SEC61A2: variants seen among roughly 807,000 people sequenced by gnomAD.
SEC61A2 encodes protein transport protein Sec61 subunit alpha isoform 2.
SEC61A2 carries 28 observed loss-of-function variants against 59.9 expected under a neutral mutation model. The observed-to-expected ratio is 0.47, with a 90% CI of 0.35 to 0.64. SEC61A2 has a LOEUF of 0.64. SEC61A2 is among the 30% of genes least tolerant of loss of function. The probability of loss-of-function intolerance (pLI) is 0.01; values close to 1 mark genes in which losing one functional copy is unlikely to be tolerated. For missense variants in SEC61A2, 340 were observed against 585.9 expected (o/e 0.58, Z 4.33); for synonymous variants, 202 against 214.4 (o/e 0.94, Z 0.50).
intron 2 of SEC61A2, among the ~76,000 whole-genome samples, chr10:12,133,837 G>A (rs1485226127): frequency 6.6e-6 from 1 of 152,158 alleles, no homozygotes; most frequent in Non-Finnish European, 1.5e-5. Flanking sequence ...TTCCATCATT[G>A]CAAACTTTCA....
In SEC61A2 at chr10:12,159,000, C is replaced by T. The variant is rs1328297701; in HGVS notation, c.975+895C>T. 5.5e-5 allele frequency among the ~76,000 whole-genome samples: 8 copies of T among 145,920 alleles called. No individual in the cohort carries two copies. Among genetic ancestry groups the T allele is most frequent in the Admixed American group, 1.4e-4 (2 of 14,596 alleles). On this transcript the variant is annotated intron_variant, in intron 9 of 11. Coordinates refer to ENST00000298428, the MANE Select transcript of SEC61A2 (RefSeq NM_018144.4). The surrounding 1 kb of genome is among the most constrained non-coding windows in gnomAD (Gnocchi z 5.7). Reference sequence around the variant, plus strand: ...TTTTTTCTTTTTTTTTTTTTTGAGACGGAGTCTCGCTGTGTCGCCCAGGCT... The same window carrying T: ...TTTTTTCTTTTTTTTTTTTTTGAGATGGAGTCTCGCTGTGTCGCCCAGGCT...
chr10:12,134,451 C>T lies in SEC61A2; in HGVS notation c.75+1143C>T, dbSNP rs149899677. Among the ~76,000 whole-genome samples the T allele has an allele frequency of 1.7e-3, 260 of 152,308 alleles. 1 individual carries two copies. The highest frequency in any genetic ancestry group is 2.6e-3 in the Non-Finnish European group (180 of 68,026). On this transcript the variant is annotated intron_variant, in intron 2 of 11. Transcript: ENST00000298428. ...CCACCTTCGCACAGTGCAGTGTTCACCGAATCGCGTGCACATTGGATCCCT... is the reference window on the plus strand; with the variant it reads ...CCACCTTCGCACAGTGCAGTGTTCATCGAATCGCGTGCACATTGGATCCCT...
rs1834606574 is a variant in SEC61A2 at position 12,164,189 on chromosome 10, G to A, written c.1245-79G>A. ...CTTTAGACCCAGCTATGGCTGCTGC[G>A]CCTCGACCTGTCTTCGTCTCTAGCT... On this transcript the variant is annotated intron_variant, in intron 11 of 11. Coordinates refer to ENST00000298428, the MANE Select transcript of SEC61A2 (RefSeq NM_018144.4). The surrounding 1 kb of genome is among the most constrained non-coding windows in gnomAD (Gnocchi z 7.3). 4.6e-6 allele frequency: 7 copies of A among 1,526,152 alleles called. No homozygotes were observed. The South Asian group carries it at 4.8e-5, about 10-fold the overall frequency. The allele number at this position is 1,526,152 out of a possible 1,614,324, so 94.5% of individuals were successfully genotyped here. A position where few individuals can be genotyped will look rare whatever the true frequency, so the allele number is the denominator to read the frequency against.
downstream of SEC61A2, chr10:12,167,899 A>G: frequency 6.4e-7 from 1 of 1,560,356 alleles, no homozygotes; most frequent in South Asian, 1.2e-5. Flanking sequence ...AGCAGGTACT[A>G]CTATATGTCA....
Position 12,153,566 on chromosome 10 carries a change from A to AAATACTT in SEC61A2, c.463-2210_463-2204dup, listed in dbSNP as rs1325341660. Among the ~76,000 whole-genome samples, 1 of 152,228 alleles carries AAATACTT rather than the reference A, an allele frequency of 6.6e-6. No individual in the cohort carries two copies. The highest frequency in any genetic ancestry group is 1.5e-5 in the Non-Finnish European group (1 of 68,048). ...TTCATTTTCAGTATTCAGAAATCAG[A>AAATACTT]AATACTTACAGTCCAAGAATGAAAC... On this transcript the variant is annotated intron_variant, in intron 6 of 11. Transcript: ENST00000298428. The surrounding 1 kb of genome is among the most constrained non-coding windows in gnomAD (Gnocchi z 5.2).
At chr10:12,150,964 CG>C (rs1348231080) in intron 6 of SEC61A2, among the ~76,000 whole-genome samples, 19 of 152,032 alleles carry the variant, frequency 1.2e-4, no homozygotes, top group Non-Finnish European at 1.9e-4. Context: ...TTAATAGAGA[CG>C]GGGGTTTCAC....
intron 2 of SEC61A2, among the ~76,000 whole-genome samples, chr10:12,134,750 T>A (rs897087689): frequency 6.6e-6 from 1 of 151,664 alleles, no homozygotes; most frequent in African/African-American, 2.4e-5. Flanking sequence ...GCCCCGACTC[T>A]ACTAAAAATA....
At chr10:12,138,447 G>T (rs1833937583) in intron 3 of SEC61A2, among the ~76,000 whole-genome samples, 1 of 152,004 alleles carries the variant, frequency 6.6e-6, no homozygotes, top group Admixed American at 6.6e-5. Flanking sequence ...GAAGAGTTTT[G>T]ACAAATTTGT....
intron 11 of SEC61A2, among the ~76,000 whole-genome samples, chr10:12,163,312 CTTTTTTTTTTTTTTTT>C (rs3060465): frequency 4.4e-5 from 3 of 68,584 alleles, no homozygotes; most frequent in Non-Finnish European, 7.7e-5. Flanking sequence ...GGCCAGCTAG[CTTTTTTTTTTTTTTTT>C]TTTTTTTTTT....
At chr10:12,163,991 A>G (rs564576402) in intron 11 of SEC61A2, among the ~76,000 whole-genome samples, 1 of 152,340 alleles carries the variant, frequency 6.6e-6, no homozygotes, top group African/African-American at 2.4e-5. Context: ...TTTAATATTT[A>G]AATCTGTCCA....
chr10:12,169,230 T>C (rs1388752658), downstream of SEC61A2: 1 of 1,481,362 alleles, frequency 6.8e-7, no homozygotes, highest in East Asian at 2.5e-5. The surrounding 1 kb of genome is among the most constrained non-coding windows in gnomAD (Gnocchi z 4.8). Context: ...TCCCCTCACT[T>C]ATTCTATTTT....
Position 12,153,609 on chromosome 10 carries a change from A to G in SEC61A2, c.463-2169A>G, listed in dbSNP as rs995336628. The G allele has an allele frequency of 3.0e-6, 3 of 996,710 alleles. No homozygotes were observed. The highest frequency in any genetic ancestry group is 3.0e-5 in the Admixed American group (1 of 33,094). 61.7% of individuals were successfully genotyped at this position (996,710 alleles called of 1,614,324 possible). On this transcript the variant is annotated intron_variant, in intron 6 of 11. Transcript: ENST00000298428. This position sits in a 1 kb window ranked among gnomAD's most constrained non-coding sequence, Gnocchi z 5.2. ...AATGAAACAAGTGAAGTGGATGTAC[A>G]CTGATTCATTTACATGAATTCTGAT... is the stretch of plus-strand genomic sequence containing the variant.
rs1468026643 is a variant in SEC61A2, at chr10:12,143,874, G to A, written c.220+679G>A. On this transcript the variant is annotated intron_variant, in intron 4 of 11. Transcript: ENST00000298428. The surrounding 1 kb of genome is among the most constrained non-coding windows in gnomAD (Gnocchi z 4.8). Reference sequence around the variant, plus strand: ...AGAGTAGCAAGGGGTACAACCAGTCGTGAGGTTTCTTACATTTAGGAACAG... The same window carrying A: ...AGAGTAGCAAGGGGTACAACCAGTCATGAGGTTTCTTACATTTAGGAACAG... 6.6e-6 allele frequency among the ~76,000 whole-genome samples: 1 copy of A among 152,174 alleles called. No homozygotes were observed. The highest frequency in any genetic ancestry group is 2.4e-5 in the African/African-American group (1 of 41,448).
At position 12,155,682 on chromosome 10, in the gene SEC61A2, C is replaced by T; in HGVS notation, c.463-96C>T. ...ATTGCAACGATCAGGCCTTAATATT[C>T]AAAACGCCCCTAGCTTGGAAATAGC... On this transcript the variant is annotated intron_variant, in intron 6 of 11. Coordinates refer to ENST00000298428, the MANE Select transcript of SEC61A2 (RefSeq NM_018144.4). This position sits in a 1 kb window ranked among gnomAD's most constrained non-coding sequence, Gnocchi z 4.3. The T allele has an allele frequency of 7.0e-7, 1 of 1,435,850 alleles. No homozygotes were observed. The highest frequency in any genetic ancestry group is 1.2e-5 in the South Asian group (1 of 80,914). 88.9% of individuals were successfully genotyped at this position (1,435,850 alleles called of 1,614,324 possible).
rs1834229089 is a variant in SEC61A2, at chr10:12,149,573, C to A, written c.221-22C>A. 6.3e-7 allele frequency: 1 copy of A among 1,589,234 alleles called. No individual in the cohort carries two copies. Among genetic ancestry groups the A allele is most frequent in the East Asian group, 2.2e-5 (1 of 44,802 alleles). On this transcript the variant is annotated intron_variant, in intron 4 of 11. Coordinates refer to ENST00000298428, the MANE Select transcript of SEC61A2 (RefSeq NM_018144.4). This position sits in a 1 kb window ranked among gnomAD's most constrained non-coding sequence, Gnocchi z 5.2. ...TATCGTGTACAGCAAACATTGCACA[C>A]TTCTCTCCCCTTCCTTTCCAGGAAC...
intron 3 of SEC61A2, among the ~76,000 whole-genome samples, chr10:12,140,785 A>G (rs1041373327): frequency 6.6e-6 from 1 of 151,660 alleles, no homozygotes; most frequent in Non-Finnish European, 1.5e-5. Context: ...TATTTTTAGT[A>G]GAGATGGGGT....
Position 12,152,092 on chromosome 10 carries a change from T to A in SEC61A2, c.462+2131T>A, listed in dbSNP as rs1834287574. Among the ~76,000 whole-genome samples the A allele has an allele frequency of 6.6e-6, 1 of 151,990 alleles. No homozygotes were observed. The highest frequency in any genetic ancestry group is 1.5e-5 in the Non-Finnish European group (1 of 67,974). On this transcript the variant is annotated intron_variant, in intron 6 of 11. Coordinates refer to ENST00000298428, the MANE Select transcript of SEC61A2 (RefSeq NM_018144.4). The surrounding 1 kb of genome is among the most constrained non-coding windows in gnomAD (Gnocchi z 5.5). Reference sequence around the variant, plus strand: ...TTTGTCATTTGACCAGGGCAGGAATTTTTTTTTTCGAGACGGAGTCCTGCT... The same window carrying A: ...TTTGTCATTTGACCAGGGCAGGAATATTTTTTTTCGAGACGGAGTCCTGCT...
At chr10:12,151,886 C>CCTCA (rs1405499707) in intron 6 of SEC61A2, among the ~76,000 whole-genome samples, 2 of 152,048 alleles carry the variant, frequency 1.3e-5, no homozygotes, top group African/African-American at 4.8e-5. Context: ...GATTCTCCTG[C>CCTCA]CTCAGCCTCC....
chr10:12,141,606 A>G (rs1217717703), intron 3 of SEC61A2, among the ~76,000 whole-genome samples: 2 of 152,234 alleles, frequency 1.3e-5, no homozygotes, highest in Non-Finnish European at 2.9e-5. Context: ...TAATCCCACC[A>G]TCTACAGATA....
Sources: gnomAD v4.1 joint callset for allele counts (sites outside exome capture counted in the v4.1 genomes callset) on GRCh38, gnomAD v4.1.1 for gene constraint, Gnocchi (gnomAD v3.1) non-coding constraint, MANE v1.5 for transcripts, NCBI Gene and HGNC (gene_info 2026-07-23, HGNC 2026-07-21) for gene names.